The following ASIC2 variants were observed in gnomAD, a reference collection of about 807,000 sequenced individuals.
ASIC2 encodes acid sensing ion channel subunit 2, also known as acid-sensing ion channel 2.
ASIC2 carries 25 observed loss-of-function variants against 57.3 expected under a neutral mutation model. That is an observed-to-expected ratio of 0.44 (90% CI 0.32 to 0.61). The LOEUF (loss-of-function observed/expected upper bound fraction) is 0.61. ASIC2 is among the 20% of genes least tolerant of loss of function. The pLI, the probability that ASIC2 is intolerant of heterozygous loss-of-function variation, is 0.06. For missense variants in ASIC2, 641 were observed against 738.1 expected (o/e 0.87, Z 1.52); for synonymous variants, 319 against 307.5 (o/e 1.04, Z -0.39).
intron 1 of ASIC2, among the ~76,000 whole-genome samples, chr17:33,661,852 C>A (rs117731780): frequency 6.6e-6 from 1 of 152,074 alleles, no homozygotes; most frequent in African/African-American, 2.4e-5. Flanking sequence ...AACTGACTGG[C>A]GGCAGAAATA....
intron 1 of ASIC2, among the ~76,000 whole-genome samples, chr17:33,557,688 A>G (rs771797357): frequency 6.6e-6 from 1 of 152,340 alleles, no homozygotes; most frequent in East Asian, 1.9e-4. Context: ...GTCTGACTAT[A>G]TGATAACACC....
chr17:33,108,319 C>G (rs1010810465), intron 2 of ASIC2, among the ~76,000 whole-genome samples: 7 of 152,158 alleles, frequency 4.6e-5, no homozygotes, highest in African/African-American at 1.7e-4. Flanking sequence ...CCATCACCAC[C>G]CAAATATCTC....
intron 1 of ASIC2, among the ~76,000 whole-genome samples, chr17:33,978,675 C>T (rs1050168609): frequency 2.0e-5 from 3 of 152,090 alleles, no homozygotes; most frequent in Non-Finnish European, 2.9e-5. Flanking sequence ...CTGGGAGAGT[C>T]GAGTCAAGGC....
At position 33,187,617 on chromosome 17, in the gene ASIC2, G is replaced by T. The variant is rs542413883; in HGVS notation, c.709-75550C>A. 7.0e-4 allele frequency among the ~76,000 whole-genome samples: 107 copies of T among 152,260 alleles called. 1 individual carries two copies. Among genetic ancestry groups the T allele is most frequent in the African/African-American group, 2.5e-3 (104 of 41,552 alleles). On this transcript the variant is annotated intron_variant, in intron 1 of 9. Coordinates refer to ENST00000225823, the MANE Select transcript of ASIC2 (RefSeq NM_183377.2). Reference sequence around the variant, plus strand: ...TGGGCCACATGCTTCTGTCTCAACTGTTTAAGTCTTCTGTGGTAATGCAAA... The same window carrying T: ...TGGGCCACATGCTTCTGTCTCAACTTTTTAAGTCTTCTGTGGTAATGCAAA...
chr17:33,886,743 A>G (rs887961950), intron 1 of ASIC2, among the ~76,000 whole-genome samples: 1 of 151,862 alleles, frequency 6.6e-6, no homozygotes, highest in Non-Finnish European at 1.5e-5. Context: ...TTCTACCAAA[A>G]AAAAAATGGA....
At chr17:33,767,994 A>G (rs1910983494) in intron 1 of ASIC2, among the ~76,000 whole-genome samples, 2 of 151,824 alleles carry the variant, frequency 1.3e-5, no homozygotes, top group South Asian at 4.2e-4. Flanking sequence ...CCTTTATTGT[A>G]AAAAGTTACA....
chr17:33,103,691 G>T (rs751825984), intron 2 of ASIC2, among the ~76,000 whole-genome samples: 2 of 152,104 alleles, frequency 1.3e-5, no homozygotes, highest in African/African-American at 2.4e-5. Context: ...CTCCAGGAAG[G>T]GATCCCCTCA....
intron 1 of ASIC2, among the ~76,000 whole-genome samples, chr17:33,874,334 A>T (rs1914499816): frequency 6.6e-6 from 1 of 152,230 alleles, no homozygotes; most frequent in Non-Finnish European, 1.5e-5. Flanking sequence ...ACATCAACTA[A>T]ATTTTAATTC....
intron 1 of ASIC2, among the ~76,000 whole-genome samples, chr17:33,579,364 T>C (rs939316908): frequency 4.0e-5 from 6 of 151,392 alleles, no homozygotes; most frequent in South Asian, 2.1e-4. Flanking sequence ...TGGCTTGGTA[T>C]GTTTACAAAC....
At chr17:33,070,426 C>T (rs1044399089) in intron 3 of ASIC2, among the ~76,000 whole-genome samples, 7 of 151,806 alleles carry the variant, frequency 4.6e-5, no homozygotes, top group African/African-American at 1.7e-4. Context: ...CAACTTCTGC[C>T]TCCCGGGTTC....
At chr17:33,325,943 A>G (rs1348764556) in intron 1 of ASIC2, among the ~76,000 whole-genome samples, 1 of 152,174 alleles carries the variant, frequency 6.6e-6, no homozygotes, top group Non-Finnish European at 1.5e-5. Flanking sequence ...GAGATGGGGA[A>G]AACAAGGAAA....
chr17:33,374,703 C>T (rs978602693), intron 1 of ASIC2, among the ~76,000 whole-genome samples: 3 of 152,188 alleles, frequency 2.0e-5, no homozygotes, highest in African/African-American at 4.8e-5. Context: ...AAAGTGTGAG[C>T]GTGAGGTTAT....
At chr17:33,985,371 G>A (rs369753675) in intron 1 of ASIC2, among the ~76,000 whole-genome samples, 4 of 152,080 alleles carry the variant, frequency 2.6e-5, no homozygotes, top group South Asian at 2.1e-4. Context: ...TAACTTTAGC[G>A]TGCATAGAAA....
chr17:33,480,241 T>C (rs1400750917), intron 1 of ASIC2, among the ~76,000 whole-genome samples: 3 of 152,108 alleles, frequency 2.0e-5, no homozygotes, highest in Non-Finnish European at 4.4e-5. Flanking sequence ...GTTTCCTTTC[T>C]CATGGGGGAG....
chr17:33,591,784 G>A (rs72827208), intron 1 of ASIC2, among the ~76,000 whole-genome samples: 1,871 of 152,260 alleles, frequency 0.012, 20 homozygotes, highest in Non-Finnish European at 0.02. Context: ...ATCAAGCTGA[G>A]AATGACTGTA....
intron 1 of ASIC2, among the ~76,000 whole-genome samples, chr17:33,135,740 C>T (rs1483099630): frequency 1.3e-5 from 2 of 152,164 alleles, no homozygotes; most frequent in South Asian, 4.1e-4. Flanking sequence ...GGGGGGCTGG[C>T]AATCCTAGAG....
intron 1 of ASIC2, among the ~76,000 whole-genome samples, chr17:33,889,030 T>C (rs8074196): frequency 0.17 from 25,911 of 152,064 alleles, 2,349 homozygotes; most frequent in African/African-American, 0.24. Context: ...AGTAAAAATG[T>C]TTCTTGGGAT....
At chr17:33,846,443 A>G (rs1641414478) in intron 1 of ASIC2, among the ~76,000 whole-genome samples, 2 of 152,166 alleles carry the variant, frequency 1.3e-5, no homozygotes, top group Admixed American at 6.5e-5. Context: ...CTGATTGCCA[A>G]GCCCTTCATA....
intron 1 of ASIC2, among the ~76,000 whole-genome samples, chr17:33,395,825 T>C (rs1335562936): frequency 3.9e-5 from 6 of 152,210 alleles, no homozygotes; most frequent in Non-Finnish European, 7.3e-5. Flanking sequence ...GAAAGAGCAA[T>C]GACTTTGGCA....
Sources: allele counts gnomAD v4.1 joint callset (sites outside exome capture counted in the v4.1 genomes callset), GRCh38; gene constraint gnomAD v4.1.1; transcripts MANE v1.5; gene names NCBI Gene and HGNC (gene_info 2026-07-23, HGNC 2026-07-21).